Variants in SAG observed in about 807,000 individuals in gnomAD.
The protein encoded by SAG is S-arrestin.
A neutral mutation model predicts 55.0 loss-of-function variants in SAG; 45 were observed. That is an observed-to-expected ratio of 0.82 (90% CI 0.64 to 1.05). The LOEUF is 1.05. Among genes scored for constraint, SAG ranks in the 50% least tolerant of loss-of-function variants. SAG has a pLI of 0.00. For synonymous variants in SAG, 189 were observed against 197.4 expected (o/e 0.96, Z 0.36); for missense variants, 455 against 512.1 (o/e 0.89, Z 1.08).
intron 6 of SAG, among the ~76,000 whole-genome samples, chr2:233,323,793 T>C (rs1314679621): frequency 6.6e-6 from 1 of 152,198 alleles, no homozygotes; most frequent in Non-Finnish European, 1.5e-5. Flanking sequence ...AACATCCTTG[T>C]GAACAAAATC....
chr2:233,308,358 A>G (rs1432361320), intron 1 of SAG, among the ~76,000 whole-genome samples: 1 of 152,026 alleles, frequency 6.6e-6, no homozygotes, highest in Non-Finnish European at 1.5e-5. Flanking sequence ...AGTCCTGGCT[A>G]CTCAGCTGGC....
intron 11 of SAG, among the ~76,000 whole-genome samples, chr2:233,337,578 C>T (rs1462508789): frequency 6.6e-6 from 1 of 152,140 alleles, no homozygotes; most frequent in Non-Finnish European, 1.5e-5. Flanking sequence ...CGCCAGTGAG[C>T]TGAAGGAGCT....
At chr2:233,344,176 A>AT (rs937132134) in intron 14 of SAG, 205 of 147,164 alleles carry the variant, frequency 1.4e-3, no homozygotes, top group South Asian at 1.7e-3. Context: ...TTATGCCTTA[A>AT]TTTTTTTTTT....
chr2:233,346,939 T>C lies in SAG; in HGVS notation c.*27T>C, dbSNP rs748961421. ...GATGTCGGCTCAGGATGCCGGAAAA[T>C]GACCTGTAGTTACCAGTGCAACGAG... On this transcript the variant is annotated 3_prime_UTR_variant, in exon 16 of 16. Coordinates refer to ENST00000409110, the MANE Select transcript of SAG (RefSeq NM_000541.5). 1.1e-5 allele frequency: 15 copies of C among 1,361,312 alleles called. No individual in the cohort carries two copies. Among genetic ancestry groups the C allele is most frequent in the Middle Eastern group, 1.8e-4 (1 of 5,624 alleles). 84.3% of individuals were successfully genotyped at this position (1,361,312 alleles called of 1,614,324 possible).
At chr2:233,331,137 TATTAC>T (rs1045992455) in intron 9 of SAG, among the ~76,000 whole-genome samples, 4 of 152,134 alleles carry the variant, frequency 2.6e-5, no homozygotes, top group African/African-American at 9.7e-5. Context: ...TAGATGCAAT[TATTAC>T]CCCCATTTTA....
Position 233,319,548 on chromosome 2 carries a change from A to AT in SAG, c.181+754dup. The AT allele has an allele frequency of 1.0e-6, 1 of 987,090 alleles. No homozygotes were observed. The highest frequency in any genetic ancestry group is 1.2e-6 in the Non-Finnish European group (1 of 830,248). The allele number at this position is 987,090 out of a possible 1,614,324, so 61.1% of individuals were successfully genotyped here. A position where few individuals can be genotyped will look rare whatever the true frequency, so the allele number is the denominator to read the frequency against. ...ATCAAGGAATTGTTCAGAACCCTGG[A>AT]TGTGCCACTGGAATACGTCAGCTAT... On this transcript the variant is annotated intron_variant, in intron 4 of 15. Transcript: ENST00000409110. The surrounding 1 kb of genome is among the most constrained non-coding windows in gnomAD (Gnocchi z 4.4).
intron 10 of SAG, chr2:233,333,200 A>G (rs1700822664): frequency 6.6e-6 from 1 of 152,194 alleles, no homozygotes; most frequent in Non-Finnish European, 1.5e-5. Flanking sequence ...AAGAACCACC[A>G]CTCACTGCCT....
Position 233,346,818 on chromosome 2 carries a change from C to T in SAG, c.1124C>T (p.Ala375Val), listed in dbSNP as rs923713049. Residue 375 changes from alanine to valine, a missense_variant, in exon 16 of 16, where the codon GCA becomes GTA. Physicochemically the swap from Ala to Val is moderately conservative, Grantham distance 64. Transcript: ENST00000409110. The stretch of plus-strand genomic sequence containing the variant: ...TTGTTTTATTTTAGTTATCAGGATG[C>T]AAATTTAGTTTTTGAGGAGTTTGCT... Reference protein sequence around the residue: ...EDPAKESYQDANLVFEEFARH... With the variant: ...EDPAKESYQDVNLVFEEFARH... 4 of 1,606,108 alleles carry T rather than the reference C, an allele frequency of 2.5e-6. No individual in the cohort carries two copies. Among genetic ancestry groups the T allele is most frequent in the Non-Finnish European group, 3.4e-6 (4 of 1,173,982 alleles).
intron 6 of SAG, among the ~76,000 whole-genome samples, chr2:233,326,780 A>T (rs1278699956): frequency 6.6e-6 from 1 of 152,076 alleles, no homozygotes; most frequent in African/African-American, 2.4e-5. Context: ...AGTCAGTAAG[A>T]TGCATGGGAT....
chr2:233,328,776 C>A, intron 8 of SAG, 163 bp downstream of exon 8: 1 of 725,172 alleles, frequency 1.4e-6, no homozygotes, highest in Non-Finnish European at 2.2e-6. Context: ...CCTGTTTTCA[C>A]AGCCTGGAGC....
chr2:233,319,070 A>G lies in SAG; in HGVS notation c.181+275A>G, dbSNP rs1700301963. ...GACGGAGCCCAGGTCTGTGGCCCCC[A>G]TTCCTGTTTGCTCGCCCCTGTTTCA... On this transcript the variant is annotated intron_variant, in intron 4 of 15. Coordinates refer to ENST00000409110, the MANE Select transcript of SAG (RefSeq NM_000541.5). The surrounding 1 kb of genome is among the most constrained non-coding windows in gnomAD (Gnocchi z 4.4). 1 of 637,242 alleles carries G rather than the reference A, an allele frequency of 1.6e-6. No individual in the cohort carries two copies. The highest frequency in any genetic ancestry group is 2.7e-4 in the Middle Eastern group (1 of 3,682). The allele number at this position is 637,242 out of a possible 1,614,324, so 39.5% of individuals were successfully genotyped here.
chr2:233,329,721 C>T (rs1439364490), intron 9 of SAG, 144 bp downstream of exon 9: 1 of 628,922 alleles, frequency 1.6e-6, no homozygotes, highest in African/African-American at 1.8e-5. Flanking sequence ...GGCAGCAGGA[C>T]TGCGGAGGGA....
intron 2 of SAG, among the ~76,000 whole-genome samples, chr2:233,312,152 C>T (rs775290797): frequency 9.9e-5 from 15 of 152,070 alleles, no homozygotes; most frequent in Non-Finnish European, 2.2e-4. Flanking sequence ...TAAGTACCGA[C>T]CTCATGCACC....
At chr2:233,342,234 A>C in intron 13 of SAG, 37 bp from the exon 14 acceptor site, 1 of 1,514,406 alleles carries the variant, frequency 6.6e-7, no homozygotes, top group Non-Finnish European at 9.1e-7. Context: ...AATTGTGTGT[A>C]TGGGTGTTCA....
rs762071754 is a variant in SAG, at chr2:233,327,306, G to A, written c.512+109G>A. The A allele has an allele frequency of 7.4e-5, 62 of 833,492 alleles. 1 individual carries two copies. Among genetic ancestry groups the A allele is most frequent in the Non-Finnish European group, 1.1e-4 (52 of 491,286 alleles). The allele number at this position is 833,492 out of a possible 1,614,324, so 51.6% of individuals were successfully genotyped here. On this transcript the variant is annotated intron_variant, in intron 7 of 15. Coordinates refer to ENST00000409110, the MANE Select transcript of SAG (RefSeq NM_000541.5). ...AGACCTCTTCCCATAGGGCTGGCAC[G>A]GCTGGGGTACCATCTGCATGTGGGA...
At chr2:233,310,931 G>T (rs939966493) in intron 2 of SAG, among the ~76,000 whole-genome samples, 2 of 152,030 alleles carry the variant, frequency 1.3e-5, no homozygotes, top group African/African-American at 4.8e-5. Flanking sequence ...TAAGGAACTC[G>T]GTCATTTTAA....
At position 233,342,261 on chromosome 2, in the gene SAG, T is replaced by G; in HGVS notation, c.1047-10T>G. 3 of 1,599,346 alleles carry G rather than the reference T, an allele frequency of 1.9e-6. No individual in the cohort carries two copies. The highest frequency in any genetic ancestry group is 2.6e-6 in the Non-Finnish European group (3 of 1,171,790). ...GGGTGTTCACACCAATCTTCATTCT[T>G]TTTTTCTAGTGAAGTCGCCACTGAG... is the stretch of plus-strand genomic sequence containing the variant. On this transcript the variant is annotated splice_polypyrimidine_tract_variant and intron_variant, in intron 13 of 15. Transcript: ENST00000409110.
intron 3 of SAG, 146 bp from the exon 4 acceptor site, chr2:233,318,605 C>CT (rs1465097132): frequency 1.1e-5 from 8 of 699,334 alleles, no homozygotes; most frequent in Non-Finnish European, 1.5e-5. Context: ...ATTTGGATGA[C>CT]TTTTTTCCCT....
intron 2 of SAG, among the ~76,000 whole-genome samples, chr2:233,311,699 A>C (rs1395027290): frequency 6.6e-6 from 1 of 152,098 alleles, no homozygotes; most frequent in Non-Finnish European, 1.5e-5. Flanking sequence ...TGGAAGGGGT[A>C]GTTTGCTCCC....
Sources: allele counts gnomAD v4.1 joint callset (sites outside exome capture counted in the v4.1 genomes callset), GRCh38; gene constraint gnomAD v4.1.1; non-coding constraint Gnocchi (gnomAD v3.1); transcripts MANE v1.5; gene names NCBI Gene and HGNC (gene_info 2026-07-23, HGNC 2026-07-21).